SLCO1A2: variants seen among roughly 807,000 people sequenced by gnomAD.
SLCO1A2 encodes OATP-1.
Under a neutral mutation model 69.0 loss-of-function variants are expected in SLCO1A2, and 67 were observed. That is an observed-to-expected ratio of 0.97 (90% CI 0.80 to 1.19). The LOEUF is 1.19. Ranked by LOEUF, SLCO1A2 falls within the 50% of genes most tolerant of loss-of-function variation. The pLI is 0.00. For missense variants in SLCO1A2, 787 were observed against 793.7 expected (o/e 0.99, Z 0.10); for synonymous variants, 260 against 265.9 (o/e 0.98, Z 0.22).
Position 21,334,587 on chromosome 12 carries a change from C to A in SLCO1A2, c.60+1G>T, listed in dbSNP as rs748746711. The A allele has an allele frequency of 6.2e-7, 1 of 1,607,556 alleles. No individual in the cohort carries two copies. ...TATATCCACATACAAAAATTCCATA[C>A]CTTCAACTTGGAAAGACATCTTATT... is the stretch of plus-strand genomic sequence containing the variant. On this transcript the variant is annotated splice_donor_variant, in intron 2 of 14. Coordinates refer to ENST00000683939, the MANE Select transcript of SLCO1A2 (RefSeq NM_001386879.1). LOFTEE classifies it high-confidence loss of function.
At position 21,390,100 on chromosome 12, in the gene SLCO1A2, G is replaced by A. The variant is rs1407468362; in HGVS notation, c.-190+4806C>T. ...ATGTTATATTCTTATAAAAATAGAT[G>A]GAATTATACAGTTACTATCAAAAAT... On this transcript the variant is annotated intron_variant, in intron 1 of 15. Transcript: ENST00000307378. Among the ~76,000 whole-genome samples, 6 of 151,792 alleles carry A rather than the reference G, an allele frequency of 4.0e-5. No homozygotes were observed. The East Asian group carries it at 9.7e-4, about 24-fold the overall frequency.
chr12:21,356,157 C>T (rs949684498), intron 2 of SLCO1A2, among the ~76,000 whole-genome samples: 3 of 152,008 alleles, frequency 2.0e-5, no homozygotes, highest in Admixed American at 2.0e-4. Context: ...ATGTTACTAC[C>T]GTCTCTGTAC....
intron 2 of SLCO1A2, among the ~76,000 whole-genome samples, chr12:21,371,112 T>C (rs1393508855): frequency 2.6e-5 from 4 of 152,202 alleles, no homozygotes; most frequent in African/African-American, 9.7e-5. Flanking sequence ...AGGGATGGTT[T>C]ATGCGGAAAT....
intron 2 of SLCO1A2, among the ~76,000 whole-genome samples, chr12:21,350,891 A>C (rs1937901912): frequency 6.9e-6 from 1 of 145,724 alleles, no homozygotes. Context: ...AGGTGAAATT[A>C]GATTGATTTT....
chr12:21,401,660 T>C (rs1340567332), intron 1 of SLCO1A2, among the ~76,000 whole-genome samples: 1 of 151,784 alleles, frequency 6.6e-6, no homozygotes, highest in African/African-American at 2.4e-5. Flanking sequence ...TCTACTTTTT[T>C]GTTTGACTTA....
intron 2 of SLCO1A2, among the ~76,000 whole-genome samples, chr12:21,358,276 A>G (rs1311028672): frequency 6.6e-6 from 1 of 152,202 alleles, no homozygotes; most frequent in Admixed American, 6.5e-5. Context: ...GCTAATTTGC[A>G]GCTTTTTACA....
intron 12 of SLCO1A2, among the ~76,000 whole-genome samples, chr12:21,284,038 G>T (rs989897340): frequency 7.2e-5 from 11 of 152,154 alleles, no homozygotes; most frequent in Admixed American, 7.2e-4. Flanking sequence ...GCTACCATAT[G>T]ATCCAGCAAT....
chr12:21,295,660 A>C lies in SLCO1A2; in HGVS notation c.1208T>G (p.Phe403Cys). 1 of 1,607,094 alleles carries C rather than the reference A, an allele frequency of 6.2e-7. No individual in the cohort carries two copies. The highest frequency in any genetic ancestry group is 8.5e-7 in the Non-Finnish European group (1 of 1,173,926). ...TTCACAAGTCATGAGAAAAGATAAA[A>C]AATAGAGAAGATACTCAAGTAAGGA... The part of the protein sequence containing the change: ...WLSLLEYLLY[F>C]LSFLMTCENS... The change falls in exon 10 of 15, where the codon TTT becomes TGT. Residue 403 changes from phenylalanine (F) to cysteine (C), a missense_variant. Transcript: ENST00000683939.
At chr12:21,407,375 G>C (rs1941837804) in intron 1 of SLCO1A2, among the ~76,000 whole-genome samples, 1 of 152,210 alleles carries the variant, frequency 6.6e-6, no homozygotes. Flanking sequence ...GATGCAGTTG[G>C]AGCGTTGAGC....
chr12:21,393,789 A>C (rs137955707), intron 1 of SLCO1A2, among the ~76,000 whole-genome samples: 4 of 152,368 alleles, frequency 2.6e-5, no homozygotes, highest in Admixed American at 2.6e-4. Context: ...TTCTGTAAAA[A>C]TTTTGATTGT....
chr12:21,299,319 A>C (rs561609069), intron 8 of SLCO1A2, among the ~76,000 whole-genome samples: 17 of 152,194 alleles, frequency 1.1e-4, no homozygotes, highest in Non-Finnish European at 2.1e-4. Context: ...TTAGTTTCCC[A>C]CAGAAAAACC....
upstream of SLCO1A2, among the ~76,000 whole-genome samples, chr12:21,398,609 T>G (rs1476521757): frequency 6.6e-6 from 1 of 151,954 alleles, no homozygotes; most frequent in Non-Finnish European, 1.5e-5. Flanking sequence ...TGATGAACAT[T>G]GATGCAAAAA....
chr12:21,328,153 T>C (rs1952379203), intron 2 of SLCO1A2, among the ~76,000 whole-genome samples: 1 of 152,178 alleles, frequency 6.6e-6, no homozygotes, highest in Admixed American at 6.6e-5. Context: ...TCCGTCGTAA[T>C]TGTGAGGCCT....
intron 8 of SLCO1A2, among the ~76,000 whole-genome samples, chr12:21,299,060 AACAATTCT>A (rs145614255): frequency 0.073 from 11,112 of 152,130 alleles, 1,300 homozygotes; most frequent in African/African-American, 0.25. Flanking sequence ...ACCTTCACAC[AACAATTCT>A]ATAGTAAGTA....
chr12:21,276,785 T>G (rs1252750845), intron 12 of SLCO1A2, among the ~76,000 whole-genome samples: 1 of 152,216 alleles, frequency 6.6e-6, no homozygotes, highest in Non-Finnish European at 1.5e-5. Flanking sequence ...TGTGCTGCCC[T>G]GTCACAGTGG....
At chr12:21,304,039 TACAG>T (rs1327450863) in intron 6 of SLCO1A2, among the ~76,000 whole-genome samples, 7 of 152,172 alleles carry the variant, frequency 4.6e-5, no homozygotes, top group African/African-American at 1.4e-4. Context: ...AAAGAGAAAC[TACAG>T]ACAAAGTAAT....
chr12:21,361,867 C>A (rs564558932), intron 2 of SLCO1A2, among the ~76,000 whole-genome samples: 1 of 152,202 alleles, frequency 6.6e-6, no homozygotes, highest in Non-Finnish European at 1.5e-5. Context: ...AAGAAATGAA[C>A]AAAGCCTCCA....
intron 1 of SLCO1A2, among the ~76,000 whole-genome samples, chr12:21,385,830 C>T (rs980693502): frequency 2.0e-5 from 3 of 152,186 alleles, no homozygotes; most frequent in Non-Finnish European, 4.4e-5. Flanking sequence ...TTTTCTGAAG[C>T]TTCATCAGCC....
chr12:21,330,320 C>T (rs1043200406), intron 2 of SLCO1A2, among the ~76,000 whole-genome samples: 4 of 151,720 alleles, frequency 2.6e-5, no homozygotes, highest in Non-Finnish European at 4.4e-5. Context: ...TGTGACACTC[C>T]ATCTCTATAA....
Sources: allele counts gnomAD v4.1 joint callset (sites outside exome capture counted in the v4.1 genomes callset), GRCh38; gene constraint gnomAD v4.1.1; transcripts MANE v1.5; gene names NCBI Gene and HGNC (gene_info 2026-07-23, HGNC 2026-07-21).